The following FRYL variants were observed in gnomAD, a reference collection of about 807,000 sequenced individuals.
The protein encoded by FRYL is FRY like transcription coactivator.
Under a neutral mutation model 351.2 loss-of-function variants are expected in FRYL, and 150 were observed. The observed-to-expected ratio is 0.43, with a 90% CI of 0.37 to 0.49. FRYL has a LOEUF of 0.49. Among genes scored for constraint, FRYL ranks in the 20% least tolerant of loss-of-function variants. The probability of loss-of-function intolerance (pLI) is 0.00; values close to 1 mark genes in which losing one functional copy is unlikely to be tolerated. For missense variants in FRYL, 3,036 were observed against 3,619.3 expected (o/e 0.84, Z 4.13); for synonymous variants, 1,153 against 1,257.1 (o/e 0.92, Z 1.75).
At chr4:48,728,931 G>C (rs74647949) in intron 1 of FRYL, among the ~76,000 whole-genome samples, 68 of 152,348 alleles carry the variant, frequency 4.5e-4, no homozygotes, top group African/African-American at 1.6e-3. Flanking sequence ...ACCTCACCTG[G>C]GAAATGCAAG....
At chr4:48,668,297 T>C (rs1057443369) in intron 3 of FRYL, among the ~76,000 whole-genome samples, 5 of 151,834 alleles carry the variant, frequency 3.3e-5, no homozygotes, top group Non-Finnish European at 5.9e-5. Context: ...GGTTTTTTTG[T>C]TTTTCTCTTT....
chr4:48,692,318 A>G (rs1765749992), intron 2 of FRYL, among the ~76,000 whole-genome samples: 2 of 152,148 alleles, frequency 1.3e-5, no homozygotes. Flanking sequence ...AATTAGGTTA[A>G]GTCTAGAACT....
intron 1 of FRYL, among the ~76,000 whole-genome samples, chr4:48,776,136 G>C (rs1485622181): frequency 1.3e-5 from 2 of 148,914 alleles, no homozygotes; most frequent in Admixed American, 6.7e-5. Flanking sequence ...GCAGTGTTAT[G>C]TGACACTTTT....
chr4:48,640,325 C>G (rs1301239733), intron 3 of FRYL, among the ~76,000 whole-genome samples: 4 of 151,998 alleles, frequency 2.6e-5, no homozygotes, highest in African/African-American at 7.2e-5. Context: ...TTATTCAGTG[C>G]TAAAAAGAAA....
intron 4 of FRYL, among the ~76,000 whole-genome samples, chr4:48,631,020 A>T (rs1752858251): frequency 6.6e-6 from 1 of 152,164 alleles, no homozygotes; most frequent in South Asian, 2.1e-4. Flanking sequence ...TATTGTAAAA[A>T]CTGTGACAAT....
chr4:48,638,122 C>T (rs1316372574), intron 3 of FRYL: 2 of 151,928 alleles, frequency 1.3e-5, no homozygotes, highest in African/African-American at 2.4e-5. Flanking sequence ...AGCTTCCTCA[C>T]CCCCAGAGGT....
chr4:48,520,993 A>G, intron 55 of FRYL, 55 bp downstream of exon 55: 2 of 1,360,416 alleles, frequency 1.5e-6, no homozygotes, highest in South Asian at 3.3e-5. Flanking sequence ...GGAGCTATAA[A>G]AGAGTGCTAA....
In FRYL at chr4:48,527,330, A is replaced by G. The variant is rs1726482222; in HGVS notation, c.7317+147T>C. ...TTATCTCAGACTTATTCTATTGACT[A>G]ATTGTGGTAATCAAATTTAATTCCT... On this transcript the variant is annotated intron_variant, in intron 53 of 63. Coordinates refer to ENST00000358350, the MANE Select transcript of FRYL (RefSeq NM_015030.2). 5.6e-5 allele frequency: 26 copies of G among 465,054 alleles called. No homozygotes were observed. In the South Asian group the frequency reaches 1.5e-3, roughly 27 times the overall value. 28.8% of individuals were successfully genotyped at this position (465,054 alleles called of 1,614,324 possible). A position where few individuals can be genotyped will look rare whatever the true frequency, so the allele number is the denominator to read the frequency against.
intron 3 of FRYL, among the ~76,000 whole-genome samples, chr4:48,640,623 A>G (rs1755133938): frequency 6.6e-6 from 1 of 152,138 alleles, no homozygotes; most frequent in Non-Finnish European, 1.5e-5. Flanking sequence ...CAACCCAAAG[A>G]GTTAACTGGA....
At chr4:48,506,904 A>G (rs1213503636) in intron 59 of FRYL, among the ~76,000 whole-genome samples, 1 of 151,928 alleles carries the variant, frequency 6.6e-6, no homozygotes, top group Admixed American at 6.6e-5. Flanking sequence ...GCATCTCTGA[A>G]GAAAAACATG....
chr4:48,542,095 T>C lies in FRYL; in HGVS notation c.5619A>G (p.Thr1873=), dbSNP rs1578025533. 6.2e-7 allele frequency: 1 copy of C among 1,613,638 alleles called. No individual in the cohort carries two copies. Among genetic ancestry groups the C allele is most frequent in the Non-Finnish European group, 8.5e-7 (1 of 1,179,616 alleles). Reference sequence around the variant, plus strand: ...CCAAAGTATCAATTGCAGATTCCAATGTGAGAAGAAGCTCAATCACAAATC... The same window carrying C: ...CCAAAGTATCAATTGCAGATTCCAACGTGAGAAGAAGCTCAATCACAAATC... ...AQGFVIELLL[T]LESAIDTLAE... Residue 1873 remains threonine, a synonymous_variant, in exon 45 of 64, where the codon ACA becomes ACG. Coordinates refer to ENST00000358350, the MANE Select transcript of FRYL (RefSeq NM_015030.2).
chr4:48,715,972 A>G (rs1768775079), intron 1 of FRYL, among the ~76,000 whole-genome samples: 2 of 151,644 alleles, frequency 1.3e-5, no homozygotes, highest in African/African-American at 2.4e-5. Flanking sequence ...ATAATGCCGC[A>G]TATCTACAAC....
chr4:48,515,051 T>C lies in FRYL; in HGVS notation c.7914A>G (p.Glu2638=). ...KELDERCEEE[E]ADFSGLSSQD... is the part of the protein sequence containing the mutation. ...ACCTAGACAGTCCGGAGAAATCCGCTTCTTCTTCTTCACATCTTTCATCTA... is the reference window on the plus strand; with the variant it reads ...ACCTAGACAGTCCGGAGAAATCCGCCTCTTCTTCTTCACATCTTTCATCTA... Residue 2638 remains glutamate (E), a synonymous_variant, in exon 56 of 64, where the codon GAA becomes GAG. Coordinates refer to ENST00000358350, the MANE Select transcript of FRYL (RefSeq NM_015030.2). The C allele has an allele frequency of 6.2e-7, 1 of 1,613,056 alleles. No homozygotes were observed. Among genetic ancestry groups the C allele is most frequent in the Non-Finnish European group, 8.5e-7 (1 of 1,179,278 alleles).
intron 55 of FRYL, among the ~76,000 whole-genome samples, chr4:48,515,587 T>C (rs1360477837): frequency 6.6e-6 from 1 of 152,112 alleles, no homozygotes; most frequent in Non-Finnish European, 1.5e-5. Flanking sequence ...TTAGCCAGGA[T>C]GGTCTCGATC....
In FRYL at chr4:48,623,175, T is replaced by C; in HGVS notation, c.125A>G (p.Lys42Arg). ...IEVVMAEPLE[K>R]LLSRSLQRGE... ...CCTCTGAAGAGATCTGGACAATAGC[T>C]TCTCCTATGATTAAAAAAAACAAAC... is the stretch of plus-strand genomic sequence containing the variant. The change falls in exon 5 of 64, where the codon AAG becomes AGG. Residue 42 changes from lysine (K) to arginine (R), a missense_variant. Transcript: ENST00000358350. The C allele has an allele frequency of 1.3e-6, 2 of 1,504,546 alleles. No individual in the cohort carries two copies. The highest frequency in any genetic ancestry group is 1.8e-6 in the Non-Finnish European group (2 of 1,109,780). The allele number at this position is 1,504,546 out of a possible 1,614,324, so 93.2% of individuals were successfully genotyped here.
chr4:48,719,654 T>C (rs1442380161), intron 1 of FRYL, among the ~76,000 whole-genome samples: 1 of 151,652 alleles, frequency 6.6e-6, no homozygotes, highest in African/African-American at 2.4e-5. Flanking sequence ...ACCAATCAAC[T>C]GTTTAAGGTT....
chr4:48,645,366 T>C (rs1218650464), intron 3 of FRYL, among the ~76,000 whole-genome samples: 1 of 151,972 alleles, frequency 6.6e-6, no homozygotes, highest in Non-Finnish European at 1.5e-5. Flanking sequence ...AACCTTCTGA[T>C]AATAATTCAG....
rs1334843124 is a variant in FRYL, at chr4:48,656,086, T to A, written c.-80-21596A>T. Reference sequence around the variant, plus strand: ...ATACATTATATAATTATATATAATTTTATATAATGTATATATTGTATACAT... The same window carrying A: ...ATACATTATATAATTATATATAATTATATATAATGTATATATTGTATACAT... On this transcript the variant is annotated intron_variant, in intron 3 of 63. Transcript: ENST00000358350. Among the ~76,000 whole-genome samples the A allele has an allele frequency of 1.2e-4, 16 of 129,870 alleles. No individual in the cohort carries two copies. The East Asian group carries it at 2.9e-3, about 23-fold the overall frequency. The allele number at this position is 129,870 out of a possible 152,430, so 85.2% of individuals were successfully genotyped here.
At position 48,772,515 on chromosome 4, in the gene FRYL, T is replaced by C. The variant is rs576070732; in HGVS notation, c.-384+7563A>G. On this transcript the variant is annotated intron_variant, in intron 1 of 63. Coordinates refer to ENST00000358350, the MANE Select transcript of FRYL (RefSeq NM_015030.2). The stretch of plus-strand genomic sequence containing the variant: ...ACACAGGAATGTACATTTATTAAGA[T>C]GCACATTCATCAAACTAATATTTTT... 2.0e-4 allele frequency among the ~76,000 whole-genome samples: 30 copies of C among 152,252 alleles called. No individual in the cohort carries two copies. In the South Asian group the frequency reaches 6.2e-3, roughly 32 times the overall value.
Sources: allele counts gnomAD v4.1 joint callset (sites outside exome capture counted in the v4.1 genomes callset), GRCh38; gene constraint gnomAD v4.1.1; transcripts MANE v1.5; gene names NCBI Gene and HGNC (gene_info 2026-07-23, HGNC 2026-07-21).